LDB2: variants seen among roughly 807,000 people sequenced by gnomAD.
LDB2 encodes LIM domain-binding protein 2.
In LDB2, 12 loss-of-function variants were observed where a neutral mutation model predicts 44.3. That is an observed-to-expected ratio of 0.27 (90% confidence interval 0.17 to 0.44). The LOEUF (loss-of-function observed/expected upper bound fraction) is 0.44, where lower values mean the gene tolerates loss of function less well. Ranked by LOEUF, LDB2 falls within the 20% of genes least tolerant of loss-of-function variation. LDB2 has a pLI of 1.00. For synonymous variants in LDB2, 164 were observed against 174.8 expected (o/e 0.94, Z 0.49); for missense variants, 344 against 473.5 (o/e 0.73, Z 2.54).
intron 2 of LDB2, among the ~76,000 whole-genome samples, chr4:16,704,903 C>A (rs1754272491): frequency 6.6e-6 from 1 of 152,100 alleles, no homozygotes; most frequent in Non-Finnish European, 1.5e-5. Flanking sequence ...ACCTGAAAAC[C>A]TAGTGAGGTC....
chr4:16,750,204 A>G (rs1432460403), intron 2 of LDB2, among the ~76,000 whole-genome samples: 2 of 152,214 alleles, frequency 1.3e-5, no homozygotes, highest in African/African-American at 4.8e-5. Flanking sequence ...TATAGTCATT[A>G]TGCTGTACAT....
chr4:16,551,066 A>G (rs1217002816), intron 5 of LDB2, among the ~76,000 whole-genome samples: 1 of 152,222 alleles, frequency 6.6e-6, no homozygotes, highest in Non-Finnish European at 1.5e-5. Context: ...ATAGAAATTC[A>G]TATATTATTT....
chr4:16,553,226 C>G (rs561981928), intron 5 of LDB2, among the ~76,000 whole-genome samples: 1 of 152,184 alleles, frequency 6.6e-6, no homozygotes, highest in Non-Finnish European at 1.5e-5. Context: ...AATCATAGCT[C>G]ATTGCAGCCT....
intron 2 of LDB2, among the ~76,000 whole-genome samples, chr4:16,609,125 C>A (rs1724841032): frequency 6.6e-6 from 1 of 152,132 alleles, no homozygotes; most frequent in Non-Finnish European, 1.5e-5. Flanking sequence ...GGGGCAGTGG[C>A]CTACCTGAGG....
intron 1 of LDB2, among the ~76,000 whole-genome samples, chr4:16,771,476 C>T (rs1770668589): frequency 6.6e-6 from 1 of 152,162 alleles, no homozygotes; most frequent in Non-Finnish European, 1.5e-5. Context: ...AACTGCCTCA[C>T]TCACCTCTCC....
chr4:16,572,590 T>C (rs1342937936), intron 5 of LDB2, among the ~76,000 whole-genome samples: 1 of 152,136 alleles, frequency 6.6e-6, no homozygotes, highest in African/African-American at 2.4e-5. Flanking sequence ...TATATATATG[T>C]GTGTGTGTGT....
chr4:16,511,946 C>T (rs1321429317), intron 6 of LDB2, 35 bp downstream of exon 6: 6 of 1,583,700 alleles, frequency 3.8e-6, no homozygotes, highest in East Asian at 2.3e-5. Context: ...CCTCTGAAAA[C>T]GTGTTTAGAG....
chr4:16,755,179 C>T (rs561468579), intron 2 of LDB2, among the ~76,000 whole-genome samples: 32 of 152,244 alleles, frequency 2.1e-4, no homozygotes, highest in South Asian at 4.1e-4. Flanking sequence ...GTGTGGGGAA[C>T]GGTTCTGCTA....
intron 1 of LDB2, among the ~76,000 whole-genome samples, chr4:16,882,657 A>G (rs1303971370): frequency 6.6e-6 from 1 of 152,238 alleles, no homozygotes; most frequent in Non-Finnish European, 1.5e-5. Flanking sequence ...GTATCCTTTC[A>G]GACAAACACC....
chr4:16,620,049 C>T (rs114236743), intron 2 of LDB2, among the ~76,000 whole-genome samples: 2,293 of 152,212 alleles, frequency 0.015, 56 homozygotes, highest in African/African-American at 0.052. Flanking sequence ...ATGCTTTCTC[C>T]GTCTGAGTTA....
intron 1 of LDB2, among the ~76,000 whole-genome samples, chr4:16,864,184 G>A (rs930687708): frequency 1.3e-5 from 2 of 151,546 alleles, no homozygotes; most frequent in African/African-American, 4.9e-5. Flanking sequence ...AGATTCAACA[G>A]ATTTTTTTTC....
chr4:16,592,465 CATATATATATATATATAT>C lies in LDB2; in HGVS notation c.408+3220_408+3237del, dbSNP rs71589671. On this transcript the variant is annotated intron_variant, in intron 3 of 7. Coordinates refer to ENST00000304523, the MANE Select transcript of LDB2 (RefSeq NM_001290.5). ...AACGCATTCATATGCATTATACATA[CATATATATATATATATAT>C]ATATATATATATATATATATATACA... Among the ~76,000 whole-genome samples, 109 of 116,598 alleles carry C rather than the reference CATATATATATATATATAT, an allele frequency of 9.3e-4. 1 individual carries two copies. The Middle Eastern group carries it at 0.021, about 22-fold the overall frequency. 76.5% of individuals were successfully genotyped at this position (116,598 alleles called of 152,430 possible).
rs982293354 is a variant in LDB2 at position 16,588,745 on chromosome 4, G to T, written c.496C>A (p.Arg166=). Residue 166 remains arginine, a synonymous_variant, in exon 4 of 8, where the codon CGA becomes AGA. Transcript: ENST00000304523. ...KTWHFTIRQY[R]ELVPRSILAM... ...AGGATGCTTCTCGGGACTAACTCTC[G>T]GTATTGTCTAATGGTAAAGTGCCAT... 7 of 1,613,570 alleles carry T rather than the reference G, an allele frequency of 4.3e-6. No homozygotes were observed. The East Asian group carries it at 1.6e-4, about 36-fold the overall frequency.
At chr4:16,872,981 T>C (rs142494524) in intron 1 of LDB2, among the ~76,000 whole-genome samples, 3 of 152,162 alleles carry the variant, frequency 2.0e-5, no homozygotes, top group African/African-American at 7.2e-5. Flanking sequence ...GACAGCCCAG[T>C]GACAGGGGAA....
intron 5 of LDB2, among the ~76,000 whole-genome samples, chr4:16,555,074 C>G (rs143974004): frequency 7.0e-6 from 1 of 142,026 alleles, no homozygotes; most frequent in East Asian, 2.1e-4. Context: ...GAACCTAAAA[C>G]TGCTCTGAAA....
intron 1 of LDB2, among the ~76,000 whole-genome samples, chr4:16,814,074 G>T (rs1313108918): frequency 1.3e-5 from 2 of 152,022 alleles, no homozygotes; most frequent in Non-Finnish European, 2.9e-5. Flanking sequence ...GGTTTCACTT[G>T]TTAGCCAGGA....
chr4:16,849,131 T>C (rs1379399220), intron 1 of LDB2, among the ~76,000 whole-genome samples: 2 of 152,344 alleles, frequency 1.3e-5, no homozygotes, highest in East Asian at 3.9e-4. Flanking sequence ...TTCATCCATA[T>C]TCATTTTTTT....
At chr4:16,672,843 C>CCTTCCTT (rs1553955350) in intron 2 of LDB2, among the ~76,000 whole-genome samples, 1 of 151,640 alleles carries the variant, frequency 6.6e-6, no homozygotes, top group Admixed American at 6.6e-5. Context: ...TTCCTTCCTT[C>CCTTCCTT]CTTCCTTCCT....
chr4:16,528,014 T>C (rs780668927), intron 5 of LDB2, among the ~76,000 whole-genome samples: 9 of 146,294 alleles, frequency 6.2e-5, no homozygotes, highest in African/African-American at 1.0e-4. Flanking sequence ...TATATATATA[T>C]ACACTACTTA....
Sources: allele counts gnomAD v4.1 joint callset (sites outside exome capture counted in the v4.1 genomes callset), GRCh38; gene constraint gnomAD v4.1.1; transcripts MANE v1.5; gene names NCBI Gene and HGNC (gene_info 2026-07-23, HGNC 2026-07-21).